Variants in DOCK2 observed in about 807,000 individuals in gnomAD.
DOCK2 encodes the protein dedicator of cytokinesis protein 2.
DOCK2 carries 87 observed loss-of-function variants against 248.9 expected under a neutral mutation model. The observed-to-expected ratio is 0.35, with a 90% CI of 0.29 to 0.42. The LOEUF is 0.42. Among genes scored for constraint, DOCK2 ranks in the 10% least tolerant of loss-of-function variants. DOCK2 has a pLI of 1.00. For synonymous variants in DOCK2, 805 were observed against 821.6 expected, an observed-to-expected ratio of 0.98 and a Z score of 0.35; for missense variants, 1,747 against 2,300.2, an observed-to-expected ratio of 0.76 and a Z score of 4.92.
intron 42 of DOCK2, 84 bp downstream of exon 42, chr5:170,055,470 C>G: frequency 7.9e-7 from 1 of 1,267,524 alleles, no homozygotes; most frequent in African/African-American, 1.5e-5. Context: ...AGAACAGACC[C>G]CAGTGTCTTT....
At chr5:169,993,569 G>GTGTGTA (rs937566038) in intron 29 of DOCK2, among the ~76,000 whole-genome samples, 1 of 152,062 alleles carries the variant, frequency 6.6e-6, no homozygotes, top group African/African-American at 2.4e-5. Context: ...GTGTGTGTGT[G>GTGTGTA]TGTGTGTCCA....
chr5:170,073,074 G>A (rs1024539738), intron 46 of DOCK2, among the ~76,000 whole-genome samples: 3 of 152,058 alleles, frequency 2.0e-5, no homozygotes, highest in East Asian at 1.9e-4. Flanking sequence ...TTAAGAAACC[G>A]CAACTACCCC....
chr5:169,856,212 C>A (rs1264730333), intron 27 of DOCK2, among the ~76,000 whole-genome samples: 2 of 152,158 alleles, frequency 1.3e-5, no homozygotes, highest in Non-Finnish European at 2.9e-5. Context: ...ACAAGAATAG[C>A]ATTTGGATGG....
Position 170,041,150 on chromosome 5 carries a change from A to T in DOCK2, c.3756+5A>T, listed in dbSNP as rs1363443772. ...CTCCACACCTGGCTTCTCAAGGTAC[A>T]GTCACTTTGGGTGAAGGGCATTTAT... is the stretch of plus-strand genomic sequence containing the variant. On this transcript the variant is annotated splice_donor_5th_base_variant and intron_variant, in intron 37 of 51. Coordinates refer to ENST00000520908, the MANE Select transcript of DOCK2 (RefSeq NM_004946.3). The T allele has an allele frequency of 6.2e-7, 1 of 1,612,586 alleles. No homozygotes were observed. Among genetic ancestry groups the T allele is most frequent in the Non-Finnish European group, 8.5e-7 (1 of 1,178,678 alleles).
intron 11 of DOCK2, 152 bp downstream of exon 11, chr5:169,698,601 C>A: frequency 1.4e-6 from 1 of 739,200 alleles, no homozygotes; most frequent in Non-Finnish European, 2.3e-6. Flanking sequence ...TGGCTCAGTG[C>A]CCAGGCACTC....
intron 25 of DOCK2, among the ~76,000 whole-genome samples, chr5:169,798,553 T>C (rs2113106368): frequency 6.6e-6 from 1 of 152,214 alleles, no homozygotes; most frequent in East Asian, 1.9e-4. Context: ...AATGACCTTT[T>C]AAGGAAAACC....
At chr5:169,657,545 T>C (rs1758191597) in intron 2 of DOCK2, among the ~76,000 whole-genome samples, 1 of 152,222 alleles carries the variant, frequency 6.6e-6, no homozygotes, top group Non-Finnish European at 1.5e-5. Context: ...AAAATTGATA[T>C]TAAAAACAGT....
chr5:169,684,130 C>CTGT, intron 7 of DOCK2, 66 bp from the exon 8 acceptor site: 1 of 1,585,052 alleles, frequency 6.3e-7, no homozygotes, highest in South Asian at 1.1e-5. Context: ...GACTATCTCT[C>CTGT]TGTTGCTCTA....
chr5:169,868,964 G>T (rs1161260220), intron 27 of DOCK2, among the ~76,000 whole-genome samples: 1 of 152,138 alleles, frequency 6.6e-6, no homozygotes, highest in African/African-American at 2.4e-5. Context: ...TCCTGGCTGG[G>T]TGACCCTGGG....
At chr5:169,701,482 T>C (rs1760965262) in intron 13 of DOCK2, among the ~76,000 whole-genome samples, 2 of 152,126 alleles carry the variant, frequency 1.3e-5, no homozygotes, top group African/African-American at 2.4e-5. Flanking sequence ...GTGTAACCCC[T>C]TGTAGGATTT....
At chr5:170,042,153 C>A in intron 38 of DOCK2, 21 bp downstream of exon 38, 1 of 1,594,424 alleles carries the variant, frequency 6.3e-7, no homozygotes, top group South Asian at 1.1e-5. Context: ...CCTGCCCACC[C>A]CCCGTGGGGA....
rs547512853 is a variant in DOCK2 at position 169,982,687 on chromosome 5, G to A, written c.2800-381G>A. ...GCAGAGAACTTTAGTGCATTTCAAG[G>A]TGCTAAAGGAGCCACCTGATTCTTT... On this transcript the variant is annotated intron_variant, in intron 27 of 51. Coordinates refer to ENST00000520908, the MANE Select transcript of DOCK2 (RefSeq NM_004946.3). Among the ~76,000 whole-genome samples the A allele has an allele frequency of 2.0e-5, 3 of 152,328 alleles. No individual in the cohort carries two copies. In the South Asian group the frequency reaches 6.2e-4, roughly 32 times the overall value.
chr5:169,638,305 T>C (rs1011241861), intron 1 of DOCK2, among the ~76,000 whole-genome samples: 3 of 152,132 alleles, frequency 2.0e-5, no homozygotes, highest in Non-Finnish European at 4.4e-5. Flanking sequence ...TCAGCAGTTA[T>C]CCACTCAATT....
At chr5:169,658,884 A>C (rs1454998629) in intron 2 of DOCK2, among the ~76,000 whole-genome samples, 2 of 151,890 alleles carry the variant, frequency 1.3e-5, no homozygotes, top group Non-Finnish European at 2.9e-5. Context: ...AGGCAAAAAA[A>C]GTATGAAGAA....
chr5:169,992,082 T>A (rs1778222547), intron 29 of DOCK2, among the ~76,000 whole-genome samples: 2 of 152,220 alleles, frequency 1.3e-5, no homozygotes, highest in Non-Finnish European at 2.9e-5. Context: ...ATACCTAGAT[T>A]CTGCAGGCCG....
intron 26 of DOCK2, among the ~76,000 whole-genome samples, chr5:169,808,308 C>A (rs1023078967): frequency 6.6e-6 from 1 of 152,008 alleles, no homozygotes; most frequent in Non-Finnish European, 1.5e-5. Context: ...ATTTGGGGGG[C>A]GCTGTGTGTT....
At chr5:169,697,460 T>C (rs1307236541) in intron 10 of DOCK2, among the ~76,000 whole-genome samples, 1 of 152,198 alleles carries the variant, frequency 6.6e-6, no homozygotes, top group Non-Finnish European at 1.5e-5. Context: ...ATAGGTCACG[T>C]CCTCATCTCC....
At chr5:169,718,832 A>G in intron 22 of DOCK2, 41 bp downstream of exon 22, 2 of 1,591,690 alleles carry the variant, frequency 1.3e-6, no homozygotes. Context: ...TAGCTCTGCA[A>G]TTCCTCTGGG....
intron 25 of DOCK2, among the ~76,000 whole-genome samples, chr5:169,786,533 C>A (rs944252162): frequency 1.3e-5 from 2 of 152,182 alleles, no homozygotes; most frequent in African/African-American, 4.8e-5. Context: ...AAAAGAGCTG[C>A]CCTCTCTTGA....
Sources: gnomAD v4.1 joint callset for allele counts (sites outside exome capture counted in the v4.1 genomes callset) on GRCh38, gnomAD v4.1.1 for gene constraint, MANE v1.5 for transcripts, NCBI Gene and HGNC (gene_info 2026-07-23, HGNC 2026-07-21) for gene names.